Variants in CNOT1 observed in about 807,000 individuals in gnomAD.
The protein encoded by CNOT1 is CCR4-associated factor 1.
Under a neutral mutation model 273.8 loss-of-function variants are expected in CNOT1, and 15 were observed. That is an observed-to-expected ratio of 0.05 (90% confidence interval 0.04 to 0.08). CNOT1 has a LOEUF of 0.08. Among genes scored for constraint, CNOT1 ranks in the 10% least tolerant of loss-of-function variants. The pLI, the probability that CNOT1 is intolerant of heterozygous loss-of-function variation, is 1.00. For missense variants in CNOT1, 1,644 were observed against 2,912.2 expected (o/e 0.56, Z 10.02); for synonymous variants, 1,022 against 1,005.5 (o/e 1.02, Z -0.31).
chr16:58,566,040 A>C (rs1187311165), intron 16 of CNOT1, among the ~76,000 whole-genome samples: 1 of 152,220 alleles, frequency 6.6e-6, no homozygotes, highest in Non-Finnish European at 1.5e-5. Context: ...ACCTTACAGA[A>C]TAAATTACCT....
Position 58,538,281 on chromosome 16 carries a change from A to G in CNOT1, c.5136-15T>C, listed in dbSNP as rs2039979918. ...CAATTAGGCACCTAGAAAAAGTTCA[A>G]TATCTTTACTCATATAGGCTTAACC... On this transcript the variant is annotated splice_polypyrimidine_tract_variant and intron_variant, in intron 36 of 48. Coordinates refer to ENST00000317147, the MANE Select transcript of CNOT1 (RefSeq NM_016284.5). The G allele has an allele frequency of 5.0e-6, 5 of 1,006,618 alleles. No individual in the cohort carries two copies. The highest frequency in any genetic ancestry group is 3.2e-5 in the African/African-American group (2 of 63,374). The allele number at this position is 1,006,618 out of a possible 1,614,324, so 62.4% of individuals were successfully genotyped here. A position where few individuals can be genotyped will look rare whatever the true frequency, so the allele number is the denominator to read the frequency against.
At chr16:58,599,193 C>T in intron 2 of CNOT1, 43 bp downstream of exon 2, 1 of 1,611,630 alleles carries the variant, frequency 6.2e-7, no homozygotes, top group Non-Finnish European at 8.5e-7. Context: ...CCACTGTCTA[C>T]TCATTCCTTT....
chr16:58,560,392 T>C, intron 16 of CNOT1, 30 bp from the exon 17 acceptor site: 2 of 1,610,270 alleles, frequency 1.2e-6, no homozygotes, highest in South Asian at 1.1e-5. Flanking sequence ...GTAAAAAATA[T>C]CAGTTCCTAT....
rs914343811 is a variant in CNOT1, at chr16:58,601,316, T to C, written c.-174-1805A>G. On this transcript the variant is annotated intron_variant, in intron 1 of 48. Transcript: ENST00000317147. ...TTTTGCCATGATGGCCAGGCTGGTC[T>C]CTTAACTCCTGAGCTTGTGATCCGC... 3.9e-5 allele frequency among the ~76,000 whole-genome samples: 6 copies of C among 152,172 alleles called. No homozygotes were observed. In the East Asian group the frequency reaches 7.7e-4, roughly 20 times the overall value.
Position 58,521,278 on chromosome 16 carries a change from A to G in CNOT1, c.6957T>C (p.Pro2319=). The change falls in exon 48 of 49, where the codon CCT becomes CCC. Residue 2319 remains proline, a synonymous_variant. Coordinates refer to ENST00000317147, the MANE Select transcript of CNOT1 (RefSeq NM_016284.5). Reference sequence around the variant, plus strand: ...CAATGAAGGTAATAAGAAGACCCCAAGGATGTGGCCTATTTACAATCAACC... The same window carrying G: ...CAATGAAGGTAATAAGAAGACCCCAGGGATGTGGCCTATTTACAATCAACC... ...LERLIVNRPH[P]WGLLITFIEL... is the part of the protein sequence containing the mutation. 1 of 1,613,940 alleles carries G rather than the reference A, an allele frequency of 6.2e-7. No homozygotes were observed. Among genetic ancestry groups the G allele is most frequent in the Non-Finnish European group, 8.5e-7 (1 of 1,179,950 alleles).
chr16:58,623,366 T>C (rs1473149012), intron 1 of CNOT1: 2 of 152,170 alleles, frequency 1.3e-5, no homozygotes, highest in African/African-American at 2.4e-5. Context: ...AGTTGACTGA[T>C]AGCTTGGCAA....
In CNOT1 at chr16:58,560,384, A is replaced by G. The variant is rs780437150; in HGVS notation, c.1980-22T>C. 2.5e-6 allele frequency: 4 copies of G among 1,610,964 alleles called. No homozygotes were observed. The Admixed American group carries it at 6.8e-5, about 27-fold the overall frequency. On this transcript the variant is annotated intron_variant, in intron 16 of 48. Coordinates refer to ENST00000317147, the MANE Select transcript of CNOT1 (RefSeq NM_016284.5). ...ACTCCTAAAATAGAGGGGAAAAGGT[A>G]AAAAATATCAGTTCCTATTCTCTAG...
intron 35 of CNOT1, 107 bp from the exon 36 acceptor site, chr16:58,539,021 C>A: frequency 6.8e-7 from 1 of 1,462,658 alleles, no homozygotes; most frequent in Admixed American, 2.3e-5. Flanking sequence ...CCTTCCAAAG[C>A]CTCCCTGTCC....
chr16:58,594,734 G>A (rs760869466), intron 2 of CNOT1, among the ~76,000 whole-genome samples: 51 of 151,414 alleles, frequency 3.4e-4, no homozygotes, highest in Non-Finnish European at 4.7e-4. Flanking sequence ...CCCAGGAGGC[G>A]GGGATTGCAG....
chr16:58,615,918 C>CTT (rs762479250), intron 1 of CNOT1, among the ~76,000 whole-genome samples: 4 of 104,344 alleles, frequency 3.8e-5, no homozygotes, highest in Non-Finnish European at 4.5e-5. Flanking sequence ...CCCATCTCTA[C>CTT]TTTTTTTTTT....
chr16:58,582,127 A>AC (rs1185615024), intron 10 of CNOT1, among the ~76,000 whole-genome samples: 82 of 151,204 alleles, frequency 5.4e-4, no homozygotes, highest in African/African-American at 1.9e-3. Flanking sequence ...AAAATACAAA[A>AC]AAAAAAAAAA....
intron 1 of CNOT1, among the ~76,000 whole-genome samples, chr16:58,628,625 C>A (rs2043683026): frequency 6.7e-6 from 1 of 149,616 alleles, no homozygotes. Context: ...CCCAAGTAGT[C>A]ACAGGCTATC....
At chr16:58,597,688 A>G (rs2042312184) in intron 2 of CNOT1, 2 of 504,962 alleles carry the variant, frequency 4.0e-6, no homozygotes, top group Non-Finnish European at 8.0e-6. Flanking sequence ...ACTCTCCCAC[A>G]TGACTCAGCC....
intron 16 of CNOT1, among the ~76,000 whole-genome samples, chr16:58,565,285 A>G (rs1280647580): frequency 6.6e-6 from 1 of 151,806 alleles, no homozygotes; most frequent in African/African-American, 2.4e-5. Flanking sequence ...CTAATTTTTA[A>G]ATGTTTTTTT....
At chr16:58,541,696 C>T in intron 33 of CNOT1, 76 bp from the exon 34 acceptor site, 3 of 1,450,732 alleles carry the variant, frequency 2.1e-6, no homozygotes, top group Admixed American at 3.5e-5. Context: ...GGAAAGTCTG[C>T]ATGTGGGTAA....
chr16:58,543,294 T>C, intron 31 of CNOT1: 1 of 1,547,348 alleles, frequency 6.5e-7, no homozygotes, highest in Non-Finnish European at 8.7e-7. Context: ...TCATCCTTCC[T>C]GGTTAACAGA....
At chr16:58,610,368 T>A (rs568457665) in intron 1 of CNOT1, among the ~76,000 whole-genome samples, 21 of 152,238 alleles carry the variant, frequency 1.4e-4, no homozygotes, top group African/African-American at 4.8e-4. Flanking sequence ...ATCACACCAA[T>A]GCACGCCAGC....
chr16:58,621,352 C>A (rs1597620348), intron 1 of CNOT1, among the ~76,000 whole-genome samples: 1 of 152,030 alleles, frequency 6.6e-6, no homozygotes, highest in African/African-American at 2.4e-5. Context: ...CGGCTCACCG[C>A]AACCTCCACC....
intron 2 of CNOT1, among the ~76,000 whole-genome samples, chr16:58,596,635 C>A (rs1036732259): frequency 2.6e-5 from 4 of 152,014 alleles, no homozygotes; most frequent in African/African-American, 9.7e-5. Flanking sequence ...TGCCTGTAAT[C>A]CCAGCACTTT....
Sources: gnomAD v4.1 joint callset for allele counts (sites outside exome capture counted in the v4.1 genomes callset) on GRCh38, gnomAD v4.1.1 for gene constraint, MANE v1.5 for transcripts, NCBI Gene and HGNC (gene_info 2026-07-23, HGNC 2026-07-21) for gene names.